The following NOSIP variants were observed in gnomAD, a reference collection of about 807,000 sequenced individuals.
The protein encoded by NOSIP is nitric oxide synthase-interacting protein.
NOSIP carries 25 observed loss-of-function variants against 36.4 expected under a neutral mutation model. The ratio of observed to expected loss-of-function variants is 0.69; its 90% confidence interval spans 0.50 to 0.96. NOSIP has a LOEUF of 0.96. NOSIP is among the 40% of genes least tolerant of loss of function. NOSIP has a pLI of 0.00. For synonymous variants in NOSIP, 187 were observed against 179.2 expected (o/e 1.04, Z -0.35); for missense variants, 370 against 429.0 (o/e 0.86, Z 1.21).
At chr19:49,565,849 C>T (rs992816137) in intron 1 of NOSIP, among the ~76,000 whole-genome samples, 11 of 152,244 alleles carry the variant, frequency 7.2e-5, no homozygotes, top group East Asian at 3.9e-4. Flanking sequence ...CCACCAGGCA[C>T]GTCCTTGGTC....
chr19:49,563,946 A>G (rs1352706555), intron 1 of NOSIP, among the ~76,000 whole-genome samples: 2 of 152,204 alleles, frequency 1.3e-5, no homozygotes, highest in African/African-American at 4.8e-5. Flanking sequence ...TGTGGGTCCT[A>G]GGACCCTGTG....
chr19:49,568,343 CTAGT>C (rs1324028174), intron 1 of NOSIP, among the ~76,000 whole-genome samples: 2 of 152,048 alleles, frequency 1.3e-5, no homozygotes, highest in Non-Finnish European at 2.9e-5. Context: ...ATGGAAAGTC[CTAGT>C]ACCAGATGTG....
intron 1 of NOSIP, among the ~76,000 whole-genome samples, chr19:49,577,428 A>G (rs1163911256): frequency 1.3e-5 from 2 of 152,080 alleles, no homozygotes; most frequent in African/African-American, 4.8e-5. Context: ...GTGGTAGCGC[A>G]TGCCTGTAGC....
intron 1 of NOSIP, among the ~76,000 whole-genome samples, chr19:49,562,068 G>T (rs916332279): frequency 6.6e-6 from 1 of 152,126 alleles, no homozygotes; most frequent in Admixed American, 6.6e-5. Context: ...AACCCACAGA[G>T]GCTGGGCAGC....
At position 49,555,757 on chromosome 19, in the gene NOSIP, C is replaced by T. The variant is rs750758902; in HGVS notation, c.900G>A (p.Gln300=). 9.3e-6 allele frequency: 15 copies of T among 1,613,532 alleles called. No individual in the cohort carries two copies. The highest frequency in any genetic ancestry group is 1.0e-5 in the Non-Finnish European group (12 of 1,179,716). Residue 300 remains glutamine, a synonymous_variant, in exon 9 of 9, where the codon CAG becomes CAA. Coordinates refer to ENST00000596358, the MANE Select transcript of NOSIP (RefSeq NM_001270960.2). ...TTTGGTCTCCCGCACACACTCAGGC[C>T]TGCATCACCGGCCGTGATTTCTCCG... The part of the protein sequence containing the change: ...LQAEKSRPVM[Q]A
chr19:49,576,973 A>G (rs2080562336), intron 1 of NOSIP, among the ~76,000 whole-genome samples: 1 of 152,098 alleles, frequency 6.6e-6, no homozygotes, highest in Non-Finnish European at 1.5e-5. Flanking sequence ...CAATAATGAA[A>G]GGACACCTAA....
chr19:49,558,002 G>A, intron 4 of NOSIP: 1 of 896,366 alleles, frequency 1.1e-6, no homozygotes, highest in Non-Finnish European at 1.3e-6. Context: ...CTGAGCGCCA[G>A]CAACCAGGCA....
In NOSIP at chr19:49,557,243, C is replaced by T. The variant is rs1444763551; in HGVS notation, c.265G>A (p.Glu89Lys). 3.2e-6 allele frequency: 5 copies of T among 1,582,594 alleles called. No homozygotes were observed. The South Asian group carries it at 3.4e-5, about 11-fold the overall frequency. The change falls in exon 5 of 9, where the codon GAG (glutamate) becomes AAG (lysine). Residue 89 changes from glutamate to lysine, a missense_variant. Physicochemically the swap from Glu to Lys is moderately conservative, Grantham distance 56. This residue lies in a region of NOSIP where 315 missense variants were observed against 331.9 expected (regional missense o/e 0.95). Transcript: ENST00000596358. ...TCGCGCCGGGTGCCCCGCTGCTTCT[C>T]GTAGGCCTGCGTCGGGGAAAGTGGG... is the stretch of plus-strand genomic sequence containing the variant. Reference protein sequence around the residue: ...KEIARQMKAYEKQRGTRREEQ... With the variant: ...KEIARQMKAYKKQRGTRREEQ...
At chr19:49,571,137 A>AT (rs60637720) in intron 1 of NOSIP, among the ~76,000 whole-genome samples, 5,597 of 131,294 alleles carry the variant, frequency 0.043, 143 homozygotes, top group African/African-American at 0.054. Context: ...CGCCCAGCTA[A>AT]TTTTTTTTTT....
intron 1 of NOSIP, among the ~76,000 whole-genome samples, chr19:49,574,091 G>A (rs1211483130): frequency 1.3e-5 from 2 of 151,990 alleles, no homozygotes; most frequent in African/African-American, 2.4e-5. Context: ...TTGAACTCCT[G>A]ACCTCAGGTG....
At chr19:49,564,513 A>G (rs2080380446) in intron 1 of NOSIP, among the ~76,000 whole-genome samples, 1 of 150,988 alleles carries the variant, frequency 6.6e-6, no homozygotes, top group South Asian at 2.1e-4. Flanking sequence ...CCCCACACGC[A>G]CCACAAGGGT....
In NOSIP at chr19:49,560,783, C is replaced by G. The variant is rs546369747; in HGVS notation, c.-1-91G>C. Reference sequence around the variant, plus strand: ...GCAGCCCTCAGAGCTGATCTGCCCCCCTTGATGGGAAAGCGGAGGCGGAGA... The same window carrying G: ...GCAGCCCTCAGAGCTGATCTGCCCCGCTTGATGGGAAAGCGGAGGCGGAGA... On this transcript the variant is annotated intron_variant, in intron 1 of 8. Coordinates refer to ENST00000596358, the MANE Select transcript of NOSIP (RefSeq NM_001270960.2). The surrounding 1 kb of genome is among the most constrained non-coding windows in gnomAD (Gnocchi z 4.6). 261 of 980,616 alleles carry G rather than the reference C, an allele frequency of 2.7e-4. No homozygotes were observed. Among genetic ancestry groups the G allele is most frequent in the Middle Eastern group, 8.4e-4 (4 of 4,742 alleles). The allele number at this position is 980,616 out of a possible 1,614,324, so 60.7% of individuals were successfully genotyped here.
intron 8 of NOSIP, 56 bp from the exon 9 acceptor site, chr19:49,555,878 G>C: frequency 1.5e-6 from 2 of 1,297,068 alleles, no homozygotes; most frequent in South Asian, 2.4e-5. Flanking sequence ...TGACCAGTGG[G>C]GCTCCAGGTG....
In NOSIP at chr19:49,555,766, C is replaced by T. The variant is rs151233389; in HGVS notation, c.891G>A (p.Pro297=). Residue 297 remains proline, a synonymous_variant, in exon 9 of 9, where the codon CCG becomes CCA. Transcript: ENST00000596358. The part of the protein sequence containing the change: ...GVKLQAEKSR[P]VMQA ...CCGCACACACTCAGGCCTGCATCAC[C>T]GGCCGTGATTTCTCCGCTTGCAGCT... The T allele has an allele frequency of 1.9e-5, 30 of 1,613,322 alleles. No homozygotes were observed. The highest frequency in any genetic ancestry group is 2.5e-5 in the Non-Finnish European group (29 of 1,179,690).
chr19:49,564,860 C>T (rs1385147479), intron 1 of NOSIP, among the ~76,000 whole-genome samples: 2 of 152,114 alleles, frequency 1.3e-5, no homozygotes, highest in Non-Finnish European at 2.9e-5. Flanking sequence ...TACTGTCATA[C>T]CCATAGTATA....
At chr19:49,563,000 C>G (rs912170372) in intron 1 of NOSIP, among the ~76,000 whole-genome samples, 2 of 152,092 alleles carry the variant, frequency 1.3e-5, no homozygotes, top group Non-Finnish European at 2.9e-5. Flanking sequence ...TTTCCAGCAA[C>G]GTAAATGTGT....
rs1568722054 is a variant in NOSIP at position 49,557,147 on chromosome 19, T to TCGTG, written c.360_361insCACG (p.Ile121HisfsTer22). ...AAAGGGTTGAGGGGCCGGCTCACGA[T>TCGTG]AGCCGACTCCTTCTCCAGGAAGCCC... On this transcript the variant is annotated frameshift_variant, in exon 5 of 9. Coordinates refer to ENST00000596358, the MANE Select transcript of NOSIP (RefSeq NM_001270960.2). LOFTEE classifies it high-confidence loss of function. 1 of 1,612,442 alleles carries TCGTG rather than the reference T, an allele frequency of 6.2e-7. No homozygotes were observed. The highest frequency in any genetic ancestry group is 1.7e-5 in the Admixed American group (1 of 59,806).
rs554955782 is a variant in NOSIP at position 49,569,601 on chromosome 19, GT to G, written c.-1-8910del. ...GTGGGCGGATCACTTGAGGTCAGGA[GT>G]TTTGAGACCAGCCTGGCCAACATGG... is the stretch of plus-strand genomic sequence containing the variant. On this transcript the variant is annotated intron_variant, in intron 1 of 8. Transcript: ENST00000596358. Among the ~76,000 whole-genome samples, 841 of 144,756 alleles carry G rather than the reference GT, an allele frequency of 5.8e-3. 11 individuals are homozygous for G. Among genetic ancestry groups the G allele is most frequent in the African/African-American group, 0.02 (801 of 40,232 alleles). 95.0% of individuals were successfully genotyped at this position (144,756 alleles called of 152,430 possible). A position where few individuals can be genotyped will look rare whatever the true frequency, so the allele number is the denominator to read the frequency against.
rs921322333 is a variant in NOSIP at position 49,555,833 on chromosome 19, TAGAG to T, written c.835-15_835-12del. The T allele has an allele frequency of 6.2e-7, 1 of 1,609,408 alleles. No individual in the cohort carries two copies. Among genetic ancestry groups the T allele is most frequent in the African/African-American group, 1.3e-5 (1 of 74,586 alleles). On this transcript the variant is annotated splice_polypyrimidine_tract_variant and intron_variant, in intron 8 of 8. Coordinates refer to ENST00000596358, the MANE Select transcript of NOSIP (RefSeq NM_001270960.2). ...GAAGCCGGTACCGCCCTGGGGGAGG[TAGAG>T]AGAAGGACGAGGTAGAGGCCGGCCC...
Sources: gnomAD v4.1 joint callset for allele counts (sites outside exome capture counted in the v4.1 genomes callset) on GRCh38, gnomAD v4.1.1 for gene constraint, gnomAD v4.1.1 regional missense constraint, Gnocchi (gnomAD v3.1) non-coding constraint, MANE v1.5 for transcripts, NCBI Gene and HGNC (gene_info 2026-07-23, HGNC 2026-07-21) for gene names.